Variants in SLC24A3 observed in about 807,000 individuals in gnomAD.
SLC24A3 encodes solute carrier family 24 member 3.
Under a neutral mutation model 75.8 loss-of-function variants are expected in SLC24A3, and 28 were observed. The ratio of observed to expected loss-of-function variants is 0.37; its 90% CI spans 0.27 to 0.51. The LOEUF is 0.51. Among genes scored for constraint, SLC24A3 ranks in the 20% least tolerant of loss-of-function variants. The probability of loss-of-function intolerance (pLI) is 0.94; values close to 1 mark genes in which losing one functional copy is unlikely to be tolerated. For synonymous variants in SLC24A3, 372 were observed against 334.1 expected, an observed-to-expected ratio of 1.11 and a Z score of -1.24; for missense variants, 663 against 847.8, an observed-to-expected ratio of 0.78 and a Z score of 2.71.
intron 2 of SLC24A3, among the ~76,000 whole-genome samples, chr20:19,330,637 C>G (rs1984977074): frequency 6.6e-6 from 1 of 152,188 alleles, no homozygotes; most frequent in African/African-American, 2.4e-5. Flanking sequence ...TGACTATTAA[C>G]TGCTAAATGT....
At chr20:19,284,216 GCACC>G (rs1983744511) in intron 2 of SLC24A3, 1 of 152,748 alleles carries the variant, frequency 6.5e-6, no homozygotes, top group Non-Finnish European at 1.5e-5. Context: ...GAGAGCCAAA[GCACC>G]CATAAGGTCC....
chr20:19,410,500 T>A (rs1986723871), intron 2 of SLC24A3, among the ~76,000 whole-genome samples: 1 of 152,018 alleles, frequency 6.6e-6, no homozygotes, highest in East Asian at 1.9e-4. Flanking sequence ...AAGAGAACAC[T>A]CAGGGACAAT....
chr20:19,321,470 G>A (rs1478428291), intron 2 of SLC24A3, among the ~76,000 whole-genome samples: 1 of 152,074 alleles, frequency 6.6e-6, no homozygotes, highest in Non-Finnish European at 1.5e-5. Flanking sequence ...AACATGTGAA[G>A]GAAAGGAAAG....
At chr20:19,458,369 G>A (rs534769946) in intron 2 of SLC24A3, among the ~76,000 whole-genome samples, 4 of 152,218 alleles carry the variant, frequency 2.6e-5, no homozygotes, top group South Asian at 2.1e-4. Flanking sequence ...TAAAATTGTC[G>A]TAAATACAAA....
intron 6 of SLC24A3, among the ~76,000 whole-genome samples, chr20:19,611,019 A>G (rs139838098): frequency 8.3e-4 from 127 of 152,252 alleles, no homozygotes; most frequent in African/African-American, 2.9e-3. Context: ...TGCAGAGGGC[A>G]CAGCGTCCAC....
chr20:19,324,151 G>T (rs897179185), intron 2 of SLC24A3, among the ~76,000 whole-genome samples: 4 of 152,086 alleles, frequency 2.6e-5, no homozygotes, highest in African/African-American at 9.7e-5. Context: ...CTCTTCCCAA[G>T]CCATTAAATA....
intron 2 of SLC24A3, among the ~76,000 whole-genome samples, chr20:19,348,761 G>A (rs377722281): frequency 2.6e-5 from 4 of 152,152 alleles, no homozygotes; most frequent in Non-Finnish European, 5.9e-5. Context: ...AGGAGTGCAT[G>A]GAGTGCACAC....
intron 1 of SLC24A3, among the ~76,000 whole-genome samples, chr20:19,229,009 C>G (rs879821529): frequency 6.6e-6 from 1 of 152,168 alleles, no homozygotes; most frequent in East Asian, 1.9e-4. Context: ...GACAAAAGCA[C>G]TTATAGTGCT....
intron 2 of SLC24A3, among the ~76,000 whole-genome samples, chr20:19,365,911 A>T (rs919418433): frequency 6.6e-6 from 1 of 152,134 alleles, no homozygotes; most frequent in African/African-American, 2.4e-5. Context: ...GTCCTTTATT[A>T]TCTGTTTTTT....
intron 1 of SLC24A3, among the ~76,000 whole-genome samples, chr20:19,230,497 C>T (rs1230536877): frequency 6.6e-6 from 1 of 152,094 alleles, no homozygotes; most frequent in Non-Finnish European, 1.5e-5. Flanking sequence ...GTGGCTCTTT[C>T]CATCGCACCT....
chr20:19,364,134 T>A (rs1985843138), intron 2 of SLC24A3, among the ~76,000 whole-genome samples: 1 of 152,146 alleles, frequency 6.6e-6, no homozygotes, highest in African/African-American at 2.4e-5. Context: ...GTGGGTTTTA[T>A]CGTTTCCAAG....
At chr20:19,604,861 T>C (rs1367708107) in intron 6 of SLC24A3, among the ~76,000 whole-genome samples, 1 of 152,216 alleles carries the variant, frequency 6.6e-6, no homozygotes, top group African/African-American at 2.4e-5. Context: ...GTTCCATTCC[T>C]GACAGATTGT....
rs1329650817 is a variant in SLC24A3 at position 19,574,923 on chromosome 20, G to A, written c.349-5077G>A. Among the ~76,000 whole-genome samples, 3 of 152,054 alleles carry A rather than the reference G, an allele frequency of 2.0e-5. No individual in the cohort carries two copies. In the East Asian group the frequency reaches 5.8e-4, roughly 29 times the overall value. ...TTTGTTGCTTTTAGCAGCTGCTTGT[G>A]CCCTGTCCCTGCTACTTGGGCATTT... On this transcript the variant is annotated intron_variant, in intron 3 of 16. Transcript: ENST00000328041.
chr20:19,524,498 GA>G (rs1284823677), intron 3 of SLC24A3, among the ~76,000 whole-genome samples: 1 of 152,162 alleles, frequency 6.6e-6, no homozygotes, highest in African/African-American at 2.4e-5. Flanking sequence ...GGTGGTAGAG[GA>G]GACATAATTT....
At chr20:19,601,176 G>A (rs985822496) in intron 6 of SLC24A3, among the ~76,000 whole-genome samples, 3 of 152,274 alleles carry the variant, frequency 2.0e-5, no homozygotes, top group South Asian at 2.1e-4. Flanking sequence ...AGACCCATTC[G>A]CCTTCTCCTC....
At chr20:19,537,291 G>T (rs1270829296) in intron 3 of SLC24A3, among the ~76,000 whole-genome samples, 2 of 152,138 alleles carry the variant, frequency 1.3e-5, no homozygotes, top group African/African-American at 4.8e-5. Context: ...CATCATCACC[G>T]GCCATCAGAG....
intron 15 of SLC24A3, among the ~76,000 whole-genome samples, chr20:19,712,245 C>T (rs962657218): frequency 6.6e-6 from 1 of 152,112 alleles, no homozygotes; most frequent in Non-Finnish European, 1.5e-5. Context: ...GTCACCACGC[C>T]TGGCCCAGAT....
intron 2 of SLC24A3, among the ~76,000 whole-genome samples, chr20:19,339,109 A>G (rs202101496): frequency 3.7e-4 from 1 of 2,726 alleles, no homozygotes; most frequent in South Asian, 0.056. Context: ...TCTTGGACAC[A>G]TAGCCTGACT....
At chr20:19,369,498 A>G (rs1296688876) in intron 2 of SLC24A3, among the ~76,000 whole-genome samples, 1 of 152,056 alleles carries the variant, frequency 6.6e-6, no homozygotes, top group Non-Finnish European at 1.5e-5. Context: ...CTGGACCACA[A>G]TTTTTTTTAC....
Sources: allele counts gnomAD v4.1 joint callset (sites outside exome capture counted in the v4.1 genomes callset), GRCh38; gene constraint gnomAD v4.1.1; transcripts MANE v1.5; gene names NCBI Gene and HGNC (gene_info 2026-07-23, HGNC 2026-07-21).